MARCHF1: variants seen among roughly 807,000 people sequenced by gnomAD.
MARCHF1 encodes the protein E3 ubiquitin-protein ligase MARCHF1.
MARCHF1 carries 40 observed loss-of-function variants against 54.2 expected under a neutral mutation model. The observed-to-expected ratio is 0.74, with a 90% CI of 0.57 to 0.96. MARCHF1 has a LOEUF of 0.96. Among genes scored for constraint, MARCHF1 ranks in the 40% least tolerant of loss-of-function variants. The pLI is 0.00. For missense variants in MARCHF1, 586 were observed against 656.5 expected, an observed-to-expected ratio of 0.89 and a Z score of 1.17; for synonymous variants, 236 against 236.3, an observed-to-expected ratio of 1.00 and a Z score of 0.01.
rs537992635 is a variant in MARCHF1, at chr4:164,119,929, GC to G, written c.-322-8268del. Among the ~76,000 whole-genome samples the G allele has an allele frequency of 6.3e-3, 955 of 151,794 alleles. 11 individuals carry two copies. Among genetic ancestry groups the G allele is most frequent in the African/African-American group, 0.019 (772 of 41,424 alleles). ...ATCAATCATTCATAGACCTAATAAT[GC>G]CAATAGTATTTAAATTGTTCCTGAT... is the stretch of plus-strand genomic sequence containing the variant. On this transcript the variant is annotated intron_variant, in intron 1 of 9. Coordinates refer to ENST00000514618, the MANE Select transcript of MARCHF1 (RefSeq NM_001394959.1).
At chr4:163,906,543 A>G (rs942820733) in intron 3 of MARCHF1, among the ~76,000 whole-genome samples, 2 of 151,960 alleles carry the variant, frequency 1.3e-5, no homozygotes, top group Non-Finnish European at 2.9e-5. Flanking sequence ...GTACAACTAC[A>G]TGAGTCTGGA....
chr4:163,898,737 T>C (rs1750871840), intron 3 of MARCHF1, among the ~76,000 whole-genome samples: 1 of 152,204 alleles, frequency 6.6e-6, no homozygotes, highest in Non-Finnish European at 1.5e-5. Context: ...CCTGCACTTG[T>C]ATATTCATTG....
At chr4:163,955,779 G>A (rs1183663073) in intron 3 of MARCHF1, among the ~76,000 whole-genome samples, 1 of 152,088 alleles carries the variant, frequency 6.6e-6, no homozygotes, top group Admixed American at 6.6e-5. Flanking sequence ...ATATTCCGGT[G>A]CCAAGTGCAG....
At chr4:163,530,866 G>GAAAT (rs1738323681) in intron 9 of MARCHF1, among the ~76,000 whole-genome samples, 1 of 151,728 alleles carries the variant, frequency 6.6e-6, no homozygotes, top group Non-Finnish European at 1.5e-5. Context: ...AATCCTAATG[G>GAAAT]AAATAATACT....
intron 1 of MARCHF1, among the ~76,000 whole-genome samples, chr4:164,356,463 G>T (rs1254013295): frequency 1.6e-5 from 2 of 123,140 alleles, no homozygotes; most frequent in African/African-American, 2.7e-5. Flanking sequence ...CATGTCCTTT[G>T]TAGGGACATG....
chr4:163,720,363 C>T (rs954418908), intron 4 of MARCHF1, among the ~76,000 whole-genome samples: 1 of 152,144 alleles, frequency 6.6e-6, no homozygotes, highest in Non-Finnish European at 1.5e-5. Context: ...TTTCTGAGGG[C>T]TCTGTTCTGT....
At chr4:163,673,845 A>G (rs917058141) in intron 5 of MARCHF1, among the ~76,000 whole-genome samples, 6 of 152,202 alleles carry the variant, frequency 3.9e-5, no homozygotes, top group Non-Finnish European at 7.4e-5. Context: ...CCCCAAAATC[A>G]AAACTGCCAG....
intron 1 of MARCHF1, among the ~76,000 whole-genome samples, chr4:164,331,693 A>G (rs1735437923): frequency 6.6e-6 from 1 of 152,176 alleles, no homozygotes; most frequent in African/African-American, 2.4e-5. Flanking sequence ...ATGTGTATAT[A>G]AATACATCTA....
intron 3 of MARCHF1, among the ~76,000 whole-genome samples, chr4:163,916,920 C>G (rs578232945): frequency 6.6e-6 from 1 of 152,192 alleles, no homozygotes; most frequent in South Asian, 2.1e-4. Flanking sequence ...TGGGTTTTGA[C>G]AAATGTATAA....
chr4:163,669,779 A>C (rs1271773956), intron 5 of MARCHF1, among the ~76,000 whole-genome samples: 2 of 151,946 alleles, frequency 1.3e-5, no homozygotes, highest in Non-Finnish European at 2.9e-5. Context: ...TTGTATTTTT[A>C]GTAGAGACAG....
chr4:164,334,425 A>G (rs1449617663), intron 1 of MARCHF1, among the ~76,000 whole-genome samples: 1 of 152,144 alleles, frequency 6.6e-6, no homozygotes, highest in Non-Finnish European at 1.5e-5. Flanking sequence ...TAATCTTCCT[A>G]TGCTCTATAA....
At chr4:163,563,883 A>G (rs996237943) in intron 8 of MARCHF1, among the ~76,000 whole-genome samples, 9 of 152,348 alleles carry the variant, frequency 5.9e-5, no homozygotes, top group African/African-American at 1.9e-4. Flanking sequence ...TTACTTAATC[A>G]TAACCCAGAA....
intron 2 of MARCHF1, among the ~76,000 whole-genome samples, chr4:164,069,360 C>T (rs764616783): frequency 1.3e-5 from 2 of 152,224 alleles, no homozygotes; most frequent in South Asian, 2.1e-4. Context: ...TCCCCTTCCA[C>T]ACTGCGGAAG....
chr4:164,354,639 A>T (rs1216948973), intron 1 of MARCHF1, among the ~76,000 whole-genome samples: 1 of 148,964 alleles, frequency 6.7e-6, no homozygotes, highest in Non-Finnish European at 1.5e-5. Context: ...TGTCTATGAC[A>T]GACCCACAGC....
chr4:164,272,104 T>C (rs1733758684), intron 1 of MARCHF1, among the ~76,000 whole-genome samples: 1 of 151,936 alleles, frequency 6.6e-6, no homozygotes. Flanking sequence ...ATGAGCCTGA[T>C]AAAAGTTAGA....
intron 3 of MARCHF1, among the ~76,000 whole-genome samples, chr4:163,875,305 AT>A (rs1283946611): frequency 6.6e-6 from 1 of 152,082 alleles, no homozygotes; most frequent in African/African-American, 2.4e-5. Flanking sequence ...GAGGTCCGTG[AT>A]TTTTTGATTT....
At chr4:164,031,220 G>C (rs907740325) in intron 2 of MARCHF1, among the ~76,000 whole-genome samples, 1 of 151,980 alleles carries the variant, frequency 6.6e-6, no homozygotes, top group Non-Finnish European at 1.5e-5. Flanking sequence ...GTTTAGTTTT[G>C]GGATGGTATA....
intron 1 of MARCHF1, among the ~76,000 whole-genome samples, chr4:164,301,731 T>G (rs778622984): frequency 6.6e-6 from 1 of 152,186 alleles, no homozygotes; most frequent in South Asian, 2.1e-4. Context: ...AAAAAGAATG[T>G]CAATGGTTCA....
At chr4:164,264,121 A>C (rs1733541084) in intron 1 of MARCHF1, among the ~76,000 whole-genome samples, 1 of 152,246 alleles carries the variant, frequency 6.6e-6, no homozygotes, top group Non-Finnish European at 1.5e-5. Context: ...GATTGGATAA[A>C]GAAAATGTGG....
Sources: gnomAD v4.1 joint callset for allele counts (sites outside exome capture counted in the v4.1 genomes callset) on GRCh38, gnomAD v4.1.1 for gene constraint, MANE v1.5 for transcripts, NCBI Gene and HGNC (gene_info 2026-07-23, HGNC 2026-07-21) for gene names.